Variants in MYO16 observed in about 807,000 individuals in gnomAD.
MYO16 encodes myosin XVI.
In MYO16, 94 loss-of-function variants were observed where a neutral mutation model predicts 205.3. The ratio of observed to expected loss-of-function variants is 0.46; its 90% confidence interval spans 0.39 to 0.54. The LOEUF is 0.54. Ranked by LOEUF, MYO16 falls within the 20% of genes least tolerant of loss-of-function variation. The probability of loss-of-function intolerance (pLI) is 0.00; values close to 1 mark genes in which losing one functional copy is unlikely to be tolerated. For synonymous variants in MYO16, 988 were observed against 954.0 expected, an observed-to-expected ratio of 1.04 and a Z score of -0.66; for missense variants, 2,315 against 2,387.5, an observed-to-expected ratio of 0.97 and a Z score of 0.63.
Position 109,206,600 on chromosome 13 carries a change from C to A in MYO16, c.5416-9C>A. 1 of 1,603,184 alleles carries A rather than the reference C, an allele frequency of 6.2e-7. No individual in the cohort carries two copies. The highest frequency in any genetic ancestry group is 8.5e-7 in the Non-Finnish European group (1 of 1,171,552). The stretch of plus-strand genomic sequence containing the variant: ...CTACCTGTTTTTTCTGCCCCTCTTC[C>A]TCCCACAGGTAATCCATCAGCTGAG... On this transcript the variant is annotated splice_polypyrimidine_tract_variant and intron_variant, in intron 34 of 34. Transcript: ENST00000457511.
At chr13:109,095,355 A>G (rs749433558) in intron 27 of MYO16, among the ~76,000 whole-genome samples, 1 of 152,242 alleles carries the variant, frequency 6.6e-6, no homozygotes, top group Non-Finnish European at 1.5e-5. Context: ...GTCCTGCTCC[A>G]GGCTTGCAAA....
intron 34 of MYO16, among the ~76,000 whole-genome samples, chr13:109,202,902 C>T (rs974775475): frequency 6.6e-6 from 1 of 152,254 alleles, no homozygotes; most frequent in East Asian, 1.9e-4. Context: ...CAAATACTTA[C>T]AGCCAACTGA....
At chr13:108,852,129 A>G (rs1243845721) in intron 10 of MYO16, among the ~76,000 whole-genome samples, 2 of 152,184 alleles carry the variant, frequency 1.3e-5, no homozygotes, top group African/African-American at 2.4e-5. Context: ...TTCTCAGATA[A>G]TCTAAAGTGA....
chr13:108,556,239 A>G, the MYO16 span, among the ~76,000 whole-genome samples: 2 of 151,980 alleles, frequency 1.3e-5, no homozygotes, highest in Non-Finnish European at 2.9e-5. Context: ...TAATGGGTGT[A>G]CTAATTTGTA....
At chr13:108,753,673 G>T (rs1049721445) in intron 4 of MYO16, among the ~76,000 whole-genome samples, 9 of 152,126 alleles carry the variant, frequency 5.9e-5, no homozygotes, top group Non-Finnish European at 1.2e-4. Context: ...GTGTGTTTAA[G>T]TCTGCTACTG....
Position 108,883,107 on chromosome 13 carries a change from C to T in MYO16, c.1474C>T (p.Pro492Ser), listed in dbSNP as rs770792062. 2.5e-6 allele frequency: 4 copies of T among 1,614,116 alleles called. No homozygotes were observed. In the South Asian group the frequency reaches 4.4e-5, roughly 18 times the overall value. ...SSSGKLCSSL[P>S]PHLFSCVERA... Reference sequence around the variant, plus strand: ...CTCAGGGAAGCTGTGTTCCTCGCTGCCTCCTCACCTCTTCTCCTGTGTGGA... The same window carrying T: ...CTCAGGGAAGCTGTGTTCCTCGCTGTCTCCTCACCTCTTCTCCTGTGTGGA... Residue 492 changes from proline to serine, a missense_variant, in exon 13 of 35, where the codon CCT becomes TCT. Pro to Ser is a moderately conservative substitution (Grantham distance 74). Transcript: ENST00000457511.
chr13:108,516,427 AC>A, the MYO16 span, among the ~76,000 whole-genome samples: 2 of 151,802 alleles, frequency 1.3e-5, no homozygotes, highest in African/African-American at 4.8e-5. Context: ...TGCAGAAATC[AC>A]CCGTCTTCTG....
intron 16 of MYO16, among the ~76,000 whole-genome samples, chr13:108,950,137 G>T (rs1883088673): frequency 6.6e-6 from 1 of 152,050 alleles, no homozygotes; most frequent in African/African-American, 2.4e-5. Context: ...TAAGCAAAAA[G>T]AACTTAAGCT....
chr13:108,577,987 C>T, the MYO16 span, among the ~76,000 whole-genome samples: 6 of 152,038 alleles, frequency 3.9e-5, no homozygotes. Context: ...CTTTACTACG[C>T]AAGTATATAT....
intron 7 of MYO16, among the ~76,000 whole-genome samples, chr13:108,808,503 G>T (rs796733628): frequency 1.1e-4 from 16 of 151,924 alleles, no homozygotes; most frequent in African/African-American, 3.6e-4. Flanking sequence ...AGTGGAGACA[G>T]GGTTTCGCTA....
chr13:109,157,116 T>C (rs1216773962), intron 32 of MYO16, among the ~76,000 whole-genome samples: 1 of 151,892 alleles, frequency 6.6e-6, no homozygotes, highest in Non-Finnish European at 1.5e-5. Context: ...GGGATTGAAC[T>C]CAGCTTCCTC....
chr13:109,132,622 G>T (rs189749309), intron 31 of MYO16, among the ~76,000 whole-genome samples: 1 of 152,288 alleles, frequency 6.6e-6, no homozygotes, highest in East Asian at 1.9e-4. Flanking sequence ...GGCAAGGTTC[G>T]AGAAGTACCC....
intron 15 of MYO16, among the ~76,000 whole-genome samples, chr13:108,907,781 C>G (rs1383936115): frequency 6.6e-6 from 1 of 152,114 alleles, no homozygotes; most frequent in African/African-American, 2.4e-5. Context: ...TGAAGTGACT[C>G]CATGATGTGG....
chr13:108,590,438 G>A, the MYO16 span, among the ~76,000 whole-genome samples: 1 of 152,154 alleles, frequency 6.6e-6, no homozygotes, highest in South Asian at 2.1e-4. Context: ...CTGTCTCAGT[G>A]GACCCCAGAC....
chr13:108,920,150 C>T (rs1881674014), intron 16 of MYO16, among the ~76,000 whole-genome samples: 1 of 152,170 alleles, frequency 6.6e-6, no homozygotes, highest in Non-Finnish European at 1.5e-5. Context: ...AAGTTAAGGA[C>T]TTACCTTACG....
the MYO16 span, among the ~76,000 whole-genome samples, chr13:108,499,066 G>A: frequency 6.6e-6 from 1 of 152,260 alleles, no homozygotes; most frequent in East Asian, 1.9e-4. Flanking sequence ...CCCTGGATGT[G>A]CTATTCAGTA....
chr13:108,524,383 T>G, the MYO16 span, among the ~76,000 whole-genome samples: 1 of 152,172 alleles, frequency 6.6e-6, no homozygotes, highest in East Asian at 1.9e-4. Flanking sequence ...CTCTCTCTTC[T>G]GTTTTCGCCA....
chr13:109,149,108 G>C (rs997570427), intron 32 of MYO16, among the ~76,000 whole-genome samples: 8 of 152,154 alleles, frequency 5.3e-5, no homozygotes, highest in African/African-American at 1.9e-4. Flanking sequence ...TTTCTCTTCT[G>C]TCACATAGGA....
intron 4 of MYO16, among the ~76,000 whole-genome samples, chr13:108,751,912 G>A (rs1471867266): frequency 6.6e-6 from 1 of 152,162 alleles, no homozygotes; most frequent in Non-Finnish European, 1.5e-5. Flanking sequence ...AAGGAGATAG[G>A]ACTAAGAGAT....
Sources: allele counts gnomAD v4.1 joint callset (sites outside exome capture counted in the v4.1 genomes callset), GRCh38; gene constraint gnomAD v4.1.1; transcripts MANE v1.5; gene names NCBI Gene and HGNC (gene_info 2026-07-23, HGNC 2026-07-21).